FGD5: variants seen among roughly 807,000 people sequenced by gnomAD.
The protein encoded by FGD5 is FYVE, RhoGEF and PH domain-containing protein 5.
A neutral mutation model predicts 133.4 loss-of-function variants in FGD5; 28 were observed. That is an observed-to-expected ratio of 0.21 (90% CI 0.16 to 0.29). The LOEUF (loss-of-function observed/expected upper bound fraction) is 0.29, where lower values mean the gene tolerates loss of function less well. Among genes scored for constraint, FGD5 ranks in the 10% least tolerant of loss-of-function variants. The probability of loss-of-function intolerance (pLI) is 1.00; values close to 1 mark genes in which losing one functional copy is unlikely to be tolerated. For missense variants in FGD5, 1,858 were observed against 1,895.2 expected, an observed-to-expected ratio of 0.98 and a Z score of 0.36; for synonymous variants, 810 against 776.5, an observed-to-expected ratio of 1.04 and a Z score of -0.72.
At chr3:14,897,452 G>A in intron 4 of FGD5, 57 bp from the exon 5 acceptor site, 1 of 1,551,494 alleles carries the variant, frequency 6.4e-7, no homozygotes, top group Non-Finnish European at 8.7e-7. Flanking sequence ...AATCTGCCAA[G>A]GAGGACTTGT....
intron 1 of FGD5, among the ~76,000 whole-genome samples, chr3:14,853,144 T>C (rs1449115081): frequency 6.6e-6 from 1 of 152,102 alleles, no homozygotes; most frequent in Non-Finnish European, 1.5e-5. Flanking sequence ...CCAGTTACAG[T>C]GCAAATGATA....
chr3:14,930,789 A>G (rs2038888760), intron 18 of FGD5: 1 of 152,132 alleles, frequency 6.6e-6, no homozygotes, highest in Admixed American at 6.5e-5. Context: ...TTCTCTTTTA[A>G]TGTTTTGTAG....
intron 9 of FGD5, among the ~76,000 whole-genome samples, chr3:14,907,224 A>G (rs149550313): frequency 6.6e-6 from 1 of 152,292 alleles, no homozygotes; most frequent in Non-Finnish European, 1.5e-5. Context: ...TATTTTTCTA[A>G]CCACGAGGCT....
intron 1 of FGD5, among the ~76,000 whole-genome samples, chr3:14,826,210 G>A (rs908463611): frequency 2.6e-5 from 4 of 152,056 alleles, no homozygotes; most frequent in African/African-American, 4.8e-5. Context: ...AGATTATACC[G>A]TGCACATGTT....
intron 1 of FGD5, among the ~76,000 whole-genome samples, chr3:14,861,843 G>T (rs2037403729): frequency 6.6e-6 from 1 of 152,158 alleles, no homozygotes. Context: ...AATCCCAGCA[G>T]CCCTGGAATG....
chr3:14,869,551 C>T (rs1356081292), intron 2 of FGD5, among the ~76,000 whole-genome samples: 6 of 152,166 alleles, frequency 3.9e-5, no homozygotes, highest in African/African-American at 1.4e-4. Flanking sequence ...AGAGCTTTTT[C>T]CTCTTCCCAA....
At chr3:14,828,870 G>C (rs959178130) in intron 1 of FGD5, among the ~76,000 whole-genome samples, 1 of 143,604 alleles carries the variant, frequency 7.0e-6, no homozygotes, top group Non-Finnish European at 1.5e-5. Flanking sequence ...TGCCTGTGCT[G>C]GAGTGCAATG....
chr3:14,822,106 T>G (rs906250687), intron 1 of FGD5, among the ~76,000 whole-genome samples: 15 of 140,854 alleles, frequency 1.1e-4, no homozygotes, highest in African/African-American at 2.7e-4. Context: ...CTAAAAAAAA[T>G]AAAAAAAAAA....
chr3:14,832,646 A>C (rs1048328249), intron 1 of FGD5, among the ~76,000 whole-genome samples: 18 of 152,300 alleles, frequency 1.2e-4, no homozygotes, highest in Middle Eastern at 3.4e-3. Flanking sequence ...GCCAGTAAGA[A>C]TGATGGAGGT....
intron 1 of FGD5, among the ~76,000 whole-genome samples, chr3:14,853,672 G>GTTTTTTTTTTTT (rs2037213722): frequency 3.0e-5 from 2 of 67,278 alleles, no homozygotes; most frequent in Non-Finnish European, 5.2e-5. Context: ...TTTTTTACGA[G>GTTTTTTTTTTTT]TTATTAGGCC....
At chr3:14,890,667 T>C (rs1430125186) in intron 4 of FGD5, among the ~76,000 whole-genome samples, 6 of 152,216 alleles carry the variant, frequency 3.9e-5, no homozygotes, top group Non-Finnish European at 8.8e-5. Flanking sequence ...GATTACGTTC[T>C]AGTTTTTGAA....
At chr3:14,827,753 G>C (rs764138734) in intron 1 of FGD5, among the ~76,000 whole-genome samples, 4 of 152,070 alleles carry the variant, frequency 2.6e-5, no homozygotes, top group Non-Finnish European at 5.9e-5. Flanking sequence ...GGGTACCCCT[G>C]CCCTTGTGTG....
chr3:14,872,481 A>G (rs2125111123), intron 2 of FGD5, among the ~76,000 whole-genome samples: 1 of 152,278 alleles, frequency 6.6e-6, no homozygotes, highest in African/African-American at 2.4e-5. Flanking sequence ...GCAGGTACTC[A>G]AAGCACCTGT....
At position 14,880,636 on chromosome 3, in the gene FGD5, T is replaced by TC; in HGVS notation, c.2717+10dup. 1 of 1,613,938 alleles carries TC rather than the reference T, an allele frequency of 6.2e-7. No homozygotes were observed. The highest frequency in any genetic ancestry group is 1.1e-5 in the South Asian group (1 of 91,070). On this transcript the variant is annotated splice_region_variant and intron_variant, in intron 3 of 19. Coordinates refer to ENST00000285046, the MANE Select transcript of FGD5 (RefSeq NM_152536.4). ...CTGCTATCTTCAGAGAAAGCGTGAG[T>TC]CCCCAAGGAGCTGCCTGTGGCCTTG...
intron 11 of FGD5, among the ~76,000 whole-genome samples, chr3:14,913,816 T>C (rs544166936): frequency 1.3e-5 from 2 of 152,274 alleles, no homozygotes; most frequent in South Asian, 4.2e-4. Context: ...CCTGAAGCTC[T>C]TTGAGAAGGG....
chr3:14,866,567 A>G (rs2037497335), intron 2 of FGD5, among the ~76,000 whole-genome samples: 1 of 152,104 alleles, frequency 6.6e-6, no homozygotes, highest in East Asian at 1.9e-4. Flanking sequence ...CTTCCTGACC[A>G]CTCTGCTCGT....
rs189830530 is a variant in FGD5, at chr3:14,820,716, C to A, written c.1645C>A (p.Arg549=). Residue 549 remains arginine (R), a synonymous_variant, in exon 1 of 20, where the codon CGG becomes AGG. Coordinates refer to ENST00000285046, the MANE Select transcript of FGD5 (RefSeq NM_152536.4). ...AKPRAFTLYP[R]SFSVEGREIP... is the part of the protein sequence containing the mutation. ...GCCCAGGGCCTTTACTTTATACCCT[C>A]GGTCGTTCTCCGTGGAAGGCCGAGA... 6.2e-6 allele frequency: 10 copies of A among 1,600,056 alleles called. No homozygotes were observed. The highest frequency in any genetic ancestry group is 8.5e-6 in the Non-Finnish European group (10 of 1,174,472).
intron 18 of FGD5, among the ~76,000 whole-genome samples, chr3:14,927,462 TAAAA>T (rs905100087): frequency 2.0e-5 from 3 of 151,674 alleles, no homozygotes; most frequent in African/African-American, 7.3e-5. Flanking sequence ...CAACGAAAAA[TAAAA>T]TGAATGAATG....
At chr3:14,853,790 C>G (rs2037216637) in intron 1 of FGD5, among the ~76,000 whole-genome samples, 2 of 146,922 alleles carry the variant, frequency 1.4e-5, no homozygotes, top group Admixed American at 6.9e-5. Flanking sequence ...TTCATCTCCC[C>G]ACGTGGAGGC....
Sources: gnomAD v4.1 joint callset for allele counts (sites outside exome capture counted in the v4.1 genomes callset) on GRCh38, gnomAD v4.1.1 for gene constraint, MANE v1.5 for transcripts, NCBI Gene and HGNC (gene_info 2026-07-23, HGNC 2026-07-21) for gene names.